MTMR14: variants seen among roughly 807,000 people sequenced by gnomAD.
The protein encoded by MTMR14 is phosphatidylinositol-3,5-bisphosphate 3-phosphatase MTMR14.
A neutral mutation model predicts 86.3 loss-of-function variants in MTMR14; 48 were observed. The ratio of observed to expected loss-of-function variants is 0.56; its 90% CI spans 0.44 to 0.71. MTMR14 has a LOEUF of 0.71. MTMR14 is among the 30% of genes least tolerant of loss of function. The pLI, the probability that MTMR14 is intolerant of heterozygous loss-of-function variation, is 0.00. For synonymous variants in MTMR14, 366 were observed against 326.1 expected, an observed-to-expected ratio of 1.12 and a Z score of -1.32; for missense variants, 780 against 834.6, an observed-to-expected ratio of 0.93 and a Z score of 0.81.
chr3:9,696,223 C>T (rs1438744233), intron 17 of MTMR14, among the ~76,000 whole-genome samples: 2 of 152,204 alleles, frequency 1.3e-5, no homozygotes, highest in African/African-American at 2.4e-5. Flanking sequence ...CTCAGCCGGG[C>T]GCACTGGCTC....
intron 2 of MTMR14, among the ~76,000 whole-genome samples, chr3:9,654,854 G>A (rs959335544): frequency 6.6e-6 from 1 of 152,244 alleles, no homozygotes; most frequent in Non-Finnish European, 1.5e-5. Flanking sequence ...GCACTACCAG[G>A]TTTGAGAAGT....
intron 9 of MTMR14, among the ~76,000 whole-genome samples, chr3:9,680,274 A>G (rs1291734673): frequency 6.6e-6 from 1 of 152,116 alleles, no homozygotes; most frequent in Non-Finnish European, 1.5e-5. Context: ...TGCAACTGCA[A>G]TCCTTCTTGC....
At chr3:9,668,600 G>A in intron 3 of MTMR14, 119 bp from the exon 4 acceptor site, 1 of 964,810 alleles carries the variant, frequency 1.0e-6, no homozygotes, top group Non-Finnish European at 1.7e-6. Flanking sequence ...ATAAAACTTT[G>A]GGGAGTGCTC....
At chr3:9,653,137 A>G (rs1039668242) in intron 1 of MTMR14, among the ~76,000 whole-genome samples, 2 of 152,066 alleles carry the variant, frequency 1.3e-5, no homozygotes, top group African/African-American at 4.8e-5. Flanking sequence ...ACTCGGGGTG[A>G]GACAGGAGAA....
At chr3:9,658,733 C>T (rs2047752253) in intron 2 of MTMR14, among the ~76,000 whole-genome samples, 1 of 152,192 alleles carries the variant, frequency 6.6e-6, no homozygotes, top group South Asian at 2.1e-4. Context: ...GGTGTAAGCT[C>T]TACTTTGTGC....
intron 16 of MTMR14, 137 bp from the exon 17 acceptor site, chr3:9,689,827 A>C: frequency 7.3e-6 from 6 of 824,172 alleles, no homozygotes; most frequent in Admixed American, 2.3e-5. Flanking sequence ...CCTGAGCTGG[A>C]GAGAGTGCTA....
intron 17 of MTMR14, among the ~76,000 whole-genome samples, chr3:9,694,224 G>A (rs159147): frequency 0.32 from 49,404 of 152,090 alleles, 9,109 homozygotes; most frequent in East Asian, 0.71. Context: ...CTGGGTTTCC[G>A]TCGTAGCTTT....
chr3:9,673,057 G>A (rs961126886), intron 7 of MTMR14, among the ~76,000 whole-genome samples: 2 of 152,226 alleles, frequency 1.3e-5, no homozygotes, highest in African/African-American at 2.4e-5. Context: ...AGCTTGGAAC[G>A]ATTTAGCTCA....
chr3:9,685,452 G>A (rs2075910708), intron 13 of MTMR14, among the ~76,000 whole-genome samples: 1 of 152,152 alleles, frequency 6.6e-6, no homozygotes, highest in African/African-American at 2.4e-5. Context: ...GGCCTGTGCT[G>A]TGGAGAGGAT....
Position 9,702,166 on chromosome 3 carries a change from G to C in MTMR14, c.*193G>C, listed in dbSNP as rs1199839104. ...TTTCCAACCCCCAGCCTCTTGACTG[G>C]TGACCACCACCCCTTCTTGTCACTG... On this transcript the variant is annotated 3_prime_UTR_variant, in exon 19 of 19. Coordinates refer to ENST00000296003, the MANE Select transcript of MTMR14 (RefSeq NM_001077525.3). The C allele has an allele frequency of 1.5e-6, 1 of 681,572 alleles. No homozygotes were observed. Among genetic ancestry groups the C allele is most frequent in the Non-Finnish European group, 2.6e-6 (1 of 390,016 alleles). 42.2% of individuals were successfully genotyped at this position (681,572 alleles called of 1,614,324 possible). A position where few individuals can be genotyped will look rare whatever the true frequency, so the allele number is the denominator to read the frequency against.
Position 9,665,928 on chromosome 3 carries a change from G to A in MTMR14, c.418-2791G>A, listed in dbSNP as rs904125406. 7.3e-5 allele frequency among the ~76,000 whole-genome samples: 11 copies of A among 151,566 alleles called. 1 individual carries two copies. Among genetic ancestry groups the A allele is most frequent in the East Asian group, 3.9e-4 (2 of 5,146 alleles). On this transcript the variant is annotated intron_variant, in intron 3 of 18. Coordinates refer to ENST00000296003, the MANE Select transcript of MTMR14 (RefSeq NM_001077525.3). ...TATTTTTTAGTAGACAGGATTTCAC[G>A]GTGTTAGCCAGGATGGTCTCGATCT...
At chr3:9,651,990 C>T (rs569579952) in intron 1 of MTMR14, among the ~76,000 whole-genome samples, 2 of 152,304 alleles carry the variant, frequency 1.3e-5, no homozygotes, top group South Asian at 2.1e-4. Context: ...CGCCACCATG[C>T]CCAGCTAATT....
intron 18 of MTMR14, among the ~76,000 whole-genome samples, chr3:9,698,829 C>G (rs866817789): frequency 3.3e-5 from 5 of 152,016 alleles, no homozygotes; most frequent in African/African-American, 9.7e-5. Context: ...CTGCAGCCAG[C>G]CCCTAGGCTA....
chr3:9,680,617 G>A (rs1285839160), intron 9 of MTMR14, among the ~76,000 whole-genome samples: 4 of 152,198 alleles, frequency 2.6e-5, no homozygotes, highest in African/African-American at 4.8e-5. Context: ...AGGCCAAGGC[G>A]GGCAGATCAC....
intron 2 of MTMR14, among the ~76,000 whole-genome samples, chr3:9,656,832 C>T (rs560089840): frequency 6.6e-6 from 1 of 152,288 alleles, no homozygotes; most frequent in African/African-American, 2.4e-5. Context: ...CTTCTTCCTA[C>T]CCTCTTTGGT....
At chr3:9,669,596 G>A in intron 5 of MTMR14, 104 bp downstream of exon 5, 1 of 1,231,764 alleles carries the variant, frequency 8.1e-7, no homozygotes, top group Non-Finnish European at 1.1e-6. Flanking sequence ...ACTGGTTCAG[G>A]TGAGTGGATT....
chr3:9,680,356 T>A lies in MTMR14; in HGVS notation c.897+2298T>A, dbSNP rs116174974. Reference sequence around the variant, plus strand: ...GCATCTCACAGCTGAACCTGGGGCCTCACTGAGGAGTAACTAGAAATGAAG... The same window carrying A: ...GCATCTCACAGCTGAACCTGGGGCCACACTGAGGAGTAACTAGAAATGAAG... On this transcript the variant is annotated intron_variant, in intron 9 of 18. Coordinates refer to ENST00000296003, the MANE Select transcript of MTMR14 (RefSeq NM_001077525.3). 4.4e-3 allele frequency among the ~76,000 whole-genome samples: 676 copies of A among 152,334 alleles called. 6 individuals carry two copies. The highest frequency in any genetic ancestry group is 0.016 in the African/African-American group (645 of 41,572).
At chr3:9,664,951 G>A (rs950964304) in intron 3 of MTMR14, among the ~76,000 whole-genome samples, 4 of 152,092 alleles carry the variant, frequency 2.6e-5, no homozygotes, top group Admixed American at 6.6e-5. Flanking sequence ...GATGGATACC[G>A]CATTTACCCT....
At chr3:9,654,708 G>A (rs1234754795) in intron 2 of MTMR14, among the ~76,000 whole-genome samples, 1 of 152,236 alleles carries the variant, frequency 6.6e-6, no homozygotes, top group African/African-American at 2.4e-5. Flanking sequence ...CAGTCATGCT[G>A]CATAGTGCAG....
Sources: allele counts gnomAD v4.1 joint callset (sites outside exome capture counted in the v4.1 genomes callset), GRCh38; gene constraint gnomAD v4.1.1; transcripts MANE v1.5; gene names NCBI Gene and HGNC (gene_info 2026-07-23, HGNC 2026-07-21).